The following ASTN1 variants were observed in gnomAD, a reference collection of about 807,000 sequenced individuals.
ASTN1 encodes astrotactin-1.
ASTN1 carries 41 observed loss-of-function variants against 140.7 expected under a neutral mutation model. The observed-to-expected ratio is 0.29, with a 90% confidence interval of 0.23 to 0.38. The LOEUF (loss-of-function observed/expected upper bound fraction) is 0.38, where lower values mean the gene tolerates loss of function less well. Among genes scored for constraint, ASTN1 ranks in the 10% least tolerant of loss-of-function variants. The pLI is 1.00. For missense variants in ASTN1, 1,479 were observed against 1,678.8 expected, an observed-to-expected ratio of 0.88 and a Z score of 2.08; for synonymous variants, 640 against 652.2, an observed-to-expected ratio of 0.98 and a Z score of 0.29.
At chr1:177,029,994 A>G (rs531423034) in intron 4 of ASTN1, among the ~76,000 whole-genome samples, 5 of 152,330 alleles carry the variant, frequency 3.3e-5, no homozygotes, top group African/African-American at 1.2e-4. Context: ...TCTGGCACCT[A>G]TCTGCCAGAG....
At chr1:176,949,436 T>C in intron 11 of ASTN1, 85 bp from the exon 12 acceptor site, 1 of 1,386,274 alleles carries the variant, frequency 7.2e-7, no homozygotes, top group Non-Finnish European at 9.8e-7. Flanking sequence ...CTGACACCAA[T>C]TTGTAGCACT....
chr1:177,132,130 C>T (rs1681972488), intron 1 of ASTN1, among the ~76,000 whole-genome samples: 1 of 152,112 alleles, frequency 6.6e-6, no homozygotes, highest in Non-Finnish European at 1.5e-5. Flanking sequence ...TTATTCTTTC[C>T]TATCATTTCT....
At chr1:177,153,539 A>G (rs1683127290) in intron 1 of ASTN1, among the ~76,000 whole-genome samples, 1 of 152,202 alleles carries the variant, frequency 6.6e-6, no homozygotes, top group Admixed American at 6.6e-5. Flanking sequence ...AATAAATTCA[A>G]AATATACCAA....
chr1:176,950,043 A>G (rs1672132114), intron 11 of ASTN1, among the ~76,000 whole-genome samples: 1 of 152,228 alleles, frequency 6.6e-6, no homozygotes, highest in Non-Finnish European at 1.5e-5. Context: ...CAAAATATTT[A>G]GCTTTTCAGC....
At chr1:176,911,486 T>C (rs1464292412) in intron 16 of ASTN1, among the ~76,000 whole-genome samples, 1 of 152,206 alleles carries the variant, frequency 6.6e-6, no homozygotes, top group African/African-American at 2.4e-5. Flanking sequence ...ATGAAAATAT[T>C]TTTTCTTTAT....
intron 1 of ASTN1, among the ~76,000 whole-genome samples, chr1:177,144,462 C>T (rs1474136060): frequency 1.3e-5 from 2 of 150,760 alleles, no homozygotes; most frequent in Admixed American, 1.3e-4. Flanking sequence ...CCGTGTTAGC[C>T]AGGATGGTCT....
In ASTN1 at chr1:177,032,547, C is replaced by G. The variant is rs1206290282; in HGVS notation, c.774G>C (p.Met258Ile). The change falls in exon 3 of 23, where the codon ATG becomes ATC. Residue 258 changes from methionine to isoleucine, a missense_variant. By Grantham distance (10) the Met-to-Ile change is conservative. Coordinates refer to ENST00000361833, the MANE Select transcript of ASTN1 (RefSeq NM_004319.3). ...DLRHHLQREC[M>I]NGGEDFASQV... is the part of the protein sequence containing the mutation. Reference sequence around the variant, plus strand: ...GGCTGGCAAAGTCCTCCCCTCCGTTCATGCACTCCCTCTGCAGATGGTGGC... The same window carrying G: ...GGCTGGCAAAGTCCTCCCCTCCGTTGATGCACTCCCTCTGCAGATGGTGGC... 2 of 1,614,180 alleles carry G rather than the reference C, an allele frequency of 1.2e-6. No individual in the cohort carries two copies. Among genetic ancestry groups the G allele is most frequent in the South Asian group, 2.2e-5 (2 of 91,084 alleles).
intron 16 of ASTN1, among the ~76,000 whole-genome samples, chr1:176,913,883 A>G (rs1489042121): frequency 6.6e-6 from 1 of 152,250 alleles, no homozygotes; most frequent in Non-Finnish European, 1.5e-5. Flanking sequence ...GCTTGGGGGA[A>G]GAAGAAAAGT....
chr1:177,103,719 G>A (rs1680409871), intron 1 of ASTN1, among the ~76,000 whole-genome samples: 1 of 152,102 alleles, frequency 6.6e-6, no homozygotes, highest in South Asian at 2.1e-4. Context: ...CCTGAGTTAG[G>A]TTGTTTTACA....
intron 9 of ASTN1, among the ~76,000 whole-genome samples, chr1:176,964,230 A>G (rs1371565481): frequency 6.6e-6 from 1 of 152,200 alleles, no homozygotes; most frequent in Non-Finnish European, 1.5e-5. Flanking sequence ...AACTGTATGG[A>G]TACAAGTCTT....
chr1:176,890,457 G>A (rs554696513), intron 17 of ASTN1, among the ~76,000 whole-genome samples: 1 of 152,122 alleles, frequency 6.6e-6, no homozygotes, highest in Non-Finnish European at 1.5e-5. Context: ...AAAAAGGTGG[G>A]TCTGTCTGTA....
chr1:176,878,834 A>G (rs1208196254), intron 20 of ASTN1, among the ~76,000 whole-genome samples: 1 of 152,094 alleles, frequency 6.6e-6, no homozygotes, highest in African/African-American at 2.4e-5. Flanking sequence ...TTTCCTCCAT[A>G]AAGTAGCAAG....
chr1:177,048,641 T>G (rs946093017), intron 2 of ASTN1, among the ~76,000 whole-genome samples: 2 of 152,192 alleles, frequency 1.3e-5, no homozygotes, highest in Non-Finnish European at 2.9e-5. Flanking sequence ...AGATTTCCCC[T>G]TCCCAAATCC....
In ASTN1 at chr1:177,088,902, T is replaced by C. The variant is rs1017443930; in HGVS notation, c.284-27637A>G. Among the ~76,000 whole-genome samples, 17 of 152,262 alleles carry C rather than the reference T, an allele frequency of 1.1e-4. 2 individuals are homozygous for C. Among genetic ancestry groups the C allele is most frequent in the Admixed American group, 8.5e-4 (13 of 15,276 alleles). ...CCTCAATAAAACAGGGTATTAAAAA[T>C]ACCAAAATGCTTTCCTTAAGGTTAA... On this transcript the variant is annotated intron_variant, in intron 1 of 22. Transcript: ENST00000361833.
rs1221571957 is a variant in ASTN1 at position 176,861,526 on chromosome 1, T to A, written c.*2758A>T. ...TCCTTCAGGTAAGCATTAGGAAAAG[T>A]CAGCAGGTTGAGATCAATAGTGTCT... On this transcript the variant is annotated 3_prime_UTR_variant, in exon 23 of 23. Coordinates refer to ENST00000361833, the MANE Select transcript of ASTN1 (RefSeq NM_004319.3). 1.0e-6 allele frequency: 1 copy of A among 985,736 alleles called. No individual in the cohort carries two copies. Among genetic ancestry groups the A allele is most frequent in the Non-Finnish European group, 1.2e-6 (1 of 829,978 alleles). The allele number at this position is 985,736 out of a possible 1,614,324, so 61.1% of individuals were successfully genotyped here.
chr1:177,136,245 C>T (rs1385647892), intron 1 of ASTN1, among the ~76,000 whole-genome samples: 1 of 152,104 alleles, frequency 6.6e-6, no homozygotes, highest in African/African-American at 2.4e-5. Flanking sequence ...GCCTTAGGGT[C>T]TTCAGTCTTA....
chr1:177,008,534 G>A (rs1473139429), intron 8 of ASTN1, among the ~76,000 whole-genome samples: 1 of 148,680 alleles, frequency 6.7e-6, no homozygotes, highest in Non-Finnish European at 1.5e-5. Context: ...AGAGGGAGAG[G>A]AAGAGAGAGA....
chr1:177,035,965 T>C (rs923662092), intron 2 of ASTN1, among the ~76,000 whole-genome samples: 1 of 151,918 alleles, frequency 6.6e-6, no homozygotes. Flanking sequence ...TTAGCTTCTC[T>C]AATTTTGCTT....
At position 176,888,055 on chromosome 1, in the gene ASTN1, A is replaced by G; in HGVS notation, c.3074+16T>C. 6.2e-7 allele frequency: 1 copy of G among 1,613,894 alleles called. No homozygotes were observed. Among genetic ancestry groups the G allele is most frequent in the South Asian group, 1.1e-5 (1 of 91,082 alleles). ...TGTTTCCAGAGTAATGCTGAAAGAG[A>G]GAAAGAGAACCATACACAGGCTGTG... On this transcript the variant is annotated intron_variant, in intron 18 of 22. Transcript: ENST00000361833.
Sources: allele counts gnomAD v4.1 joint callset (sites outside exome capture counted in the v4.1 genomes callset), GRCh38; gene constraint gnomAD v4.1.1; transcripts MANE v1.5; gene names NCBI Gene and HGNC (gene_info 2026-07-23, HGNC 2026-07-21).